Variants in TSHR observed in about 807,000 individuals in gnomAD.
The protein encoded by TSHR is thyrotropin receptor.
Under a neutral mutation model 64.1 loss-of-function variants are expected in TSHR, and 51 were observed. The ratio of observed to expected loss-of-function variants is 0.80; its 90% CI spans 0.64 to 1.01. The LOEUF is 1.01. Ranked by LOEUF, TSHR falls within the 50% of genes least tolerant of loss-of-function variation. The pLI, the probability that TSHR is intolerant of heterozygous loss-of-function variation, is 0.00. For synonymous variants in TSHR, 361 were observed against 361.9 expected (o/e 1.00, Z 0.03); for missense variants, 877 against 942.8 (o/e 0.93, Z 0.91).
intron 4 of TSHR, among the ~76,000 whole-genome samples, chr14:81,090,479 G>C (rs1268454581): frequency 6.6e-6 from 1 of 152,204 alleles, no homozygotes; most frequent in Non-Finnish European, 1.5e-5. Flanking sequence ...GGACTCAAGT[G>C]ATCCACCTGC....
chr14:81,054,875 G>T (rs141179991), intron 1 of TSHR, among the ~76,000 whole-genome samples: 1 of 152,112 alleles, frequency 6.6e-6, no homozygotes, highest in Non-Finnish European at 1.5e-5. Context: ...CAATGCAACA[G>T]AAAAGAAAAT....
chr14:81,067,927 C>CTATATA (rs10528934), intron 2 of TSHR, among the ~76,000 whole-genome samples: 4,347 of 95,652 alleles, frequency 0.045, 241 homozygotes, highest in African/African-American at 0.069. Flanking sequence ...CAGGGTGACA[C>CTATATA]TATATATATA....
intron 1 of TSHR, among the ~76,000 whole-genome samples, chr14:81,007,266 T>G (rs756096709): frequency 2.0e-5 from 3 of 152,228 alleles, no homozygotes; most frequent in Non-Finnish European, 1.5e-5. Flanking sequence ...TCCAAAACTG[T>G]AAGAAACAAA....
At chr14:81,122,042 TTTTTTTTTTTTTTTTTTTTG>T (rs1388825045) in intron 8 of TSHR, among the ~76,000 whole-genome samples, 70 of 44,934 alleles carry the variant, frequency 1.6e-3, no homozygotes, top group African/African-American at 3.6e-3. Context: ...TTTTTTTTTT[TTTTTTTTTTTTTTTTTTTTG>T]AGACGAAGTC....
At chr14:80,981,064 G>C (rs1449295820) in intron 1 of TSHR, among the ~76,000 whole-genome samples, 1 of 152,194 alleles carries the variant, frequency 6.6e-6, no homozygotes, top group East Asian at 1.9e-4. Flanking sequence ...TTTGAAAACT[G>C]TGAGATCTTA....
At chr14:81,061,625 T>TG (rs925118862) in intron 1 of TSHR, among the ~76,000 whole-genome samples, 11 of 151,816 alleles carry the variant, frequency 7.2e-5, no homozygotes, top group African/African-American at 2.4e-4. Context: ...GAACAGACAC[T>TG]GGGGCCTGCT....
intron 8 of TSHR, among the ~76,000 whole-genome samples, chr14:81,130,847 C>T (rs1472406018): frequency 3.1e-5 from 4 of 128,780 alleles, no homozygotes; most frequent in African/African-American, 1.5e-4. Flanking sequence ...AAAAATTAGC[C>T]GGGCGCGGTG....
intron 1 of TSHR, among the ~76,000 whole-genome samples, chr14:81,000,083 C>G (rs891834355): frequency 6.6e-6 from 1 of 151,924 alleles, no homozygotes; most frequent in African/African-American, 2.4e-5. Context: ...AGGCGCATGC[C>G]ACCACACCTG....
chr14:81,127,506 C>T (rs1244012582), intron 8 of TSHR, among the ~76,000 whole-genome samples: 5 of 152,058 alleles, frequency 3.3e-5, no homozygotes, highest in Non-Finnish European at 5.9e-5. Flanking sequence ...TGTGTTTCAG[C>T]TTCAGACTAT....
intron 3 of TSHR, among the ~76,000 whole-genome samples, chr14:81,082,047 G>C (rs1182017811): frequency 6.6e-6 from 1 of 152,128 alleles, no homozygotes. Flanking sequence ...GCAGCAACAG[G>C]CACAGCCCAG....
intron 3 of TSHR, among the ~76,000 whole-genome samples, chr14:81,079,207 A>C (rs577508011): frequency 1.4e-4 from 22 of 152,318 alleles, no homozygotes; most frequent in African/African-American, 5.3e-4. Context: ...TATCTGCAAA[A>C]TGATGAAACA....
chr14:81,132,712 T>G (rs1188531032), intron 8 of TSHR, among the ~76,000 whole-genome samples: 1 of 152,180 alleles, frequency 6.6e-6, no homozygotes, highest in Non-Finnish European at 1.5e-5. Flanking sequence ...CATTGCTTGA[T>G]GAGCTCTTTG....
chr14:81,143,090 G>A lies in TSHR; in HGVS notation c.1032G>A (p.Gln344=), dbSNP rs779616854. ...GGTACAAGGAAAAGTCCAAGTTCCA[G>A]GATACTCATAACAACGCTCATTATT... ...IVGYKEKSKF[Q]DTHNNAHYYV... The change falls in exon 10 of 10, where the codon CAG becomes CAA. Residue 344 remains glutamine, a synonymous_variant. Coordinates refer to ENST00000298171, the MANE Select transcript of TSHR (RefSeq NM_000369.5). 1.3e-5 allele frequency: 21 copies of A among 1,614,050 alleles called. No individual in the cohort carries two copies. Among genetic ancestry groups the A allele is most frequent in the Non-Finnish European group, 1.8e-5 (21 of 1,180,048 alleles).
chr14:81,120,658 T>C (rs2284739), intron 8 of TSHR, among the ~76,000 whole-genome samples: 46,378 of 151,860 alleles, frequency 0.31, 7,939 homozygotes, highest in East Asian at 0.53. Context: ...AGGATTTGGA[T>C]GCCGTTTATT....
At chr14:81,024,053 A>G (rs1883915636) in intron 1 of TSHR, among the ~76,000 whole-genome samples, 2 of 152,146 alleles carry the variant, frequency 1.3e-5, no homozygotes, top group Admixed American at 6.6e-5. Context: ...TCTGCTGCCT[A>G]TTGGTTGGCA....
intron 3 of TSHR, among the ~76,000 whole-genome samples, chr14:81,073,686 G>A (rs892232927): frequency 3.3e-5 from 5 of 152,048 alleles, no homozygotes; most frequent in Non-Finnish European, 7.4e-5. Flanking sequence ...GTCATACTTA[G>A]AAGAAAACAT....
chr14:81,065,654 T>C (rs1171927454), intron 2 of TSHR, among the ~76,000 whole-genome samples: 7 of 152,196 alleles, frequency 4.6e-5, no homozygotes, highest in Non-Finnish European at 8.8e-5. Context: ...ATTTACCTTG[T>C]ACATTAATCT....
At chr14:80,992,192 G>C (rs1888763743) in intron 1 of TSHR, 1 of 152,166 alleles carries the variant, frequency 6.6e-6, no homozygotes, top group Non-Finnish European at 1.5e-5. Flanking sequence ...ACGAGGTCAA[G>C]AGATCAAAAC....
intron 1 of TSHR, among the ~76,000 whole-genome samples, chr14:80,970,644 C>A (rs1887544791): frequency 6.6e-6 from 1 of 152,224 alleles, no homozygotes; most frequent in South Asian, 2.1e-4. Flanking sequence ...GGCATTTCAG[C>A]CTGAATCTGT....
Sources: allele counts gnomAD v4.1 joint callset (sites outside exome capture counted in the v4.1 genomes callset), GRCh38; gene constraint gnomAD v4.1.1; transcripts MANE v1.5; gene names NCBI Gene and HGNC (gene_info 2026-07-23, HGNC 2026-07-21).